The following RABGAP1L variants were observed in gnomAD, a reference collection of about 807,000 sequenced individuals.
The protein encoded by RABGAP1L is RAB GTPase activating protein 1 like.
Under a neutral mutation model 137.7 loss-of-function variants are expected in RABGAP1L, and 63 were observed. The ratio of observed to expected loss-of-function variants is 0.46; its 90% CI spans 0.37 to 0.56. The LOEUF (loss-of-function observed/expected upper bound fraction) is 0.56, where lower values mean the gene tolerates loss of function less well. RABGAP1L is among the 20% of genes least tolerant of loss of function. The probability of loss-of-function intolerance (pLI) is 0.00; values close to 1 mark genes in which losing one functional copy is unlikely to be tolerated. For synonymous variants in RABGAP1L, 431 were observed against 433.7 expected (o/e 0.99, Z 0.08); for missense variants, 1,095 against 1,244.0 (o/e 0.88, Z 1.80).
At chr1:174,783,589 G>A (rs1040673269) in intron 18 of RABGAP1L, among the ~76,000 whole-genome samples, 1 of 151,998 alleles carries the variant, frequency 6.6e-6, no homozygotes, top group Non-Finnish European at 1.5e-5. Flanking sequence ...ATAGAATTGC[G>A]ACAACTTACT....
intron 13 of RABGAP1L, chr1:174,449,100 G>T (rs1297539490): frequency 6.2e-7 from 1 of 1,614,010 alleles, no homozygotes; most frequent in Non-Finnish European, 8.5e-7. Flanking sequence ...GGCCTCCGAA[G>T]ACTGTCTGAG....
intron 13 of RABGAP1L, among the ~76,000 whole-genome samples, chr1:174,556,864 A>G (rs1376689347): frequency 1.3e-5 from 2 of 152,204 alleles, no homozygotes. Flanking sequence ...ATTTTTGTAG[A>G]GGGAGATTCA....
chr1:174,393,365 T>G (rs1241585232), intron 12 of RABGAP1L, among the ~76,000 whole-genome samples: 1 of 152,224 alleles, frequency 6.6e-6, no homozygotes, highest in African/African-American at 2.4e-5. Context: ...TATCTAAGTT[T>G]ATGCTTGAAC....
At chr1:174,653,653 T>A (rs1256209698) in intron 14 of RABGAP1L, among the ~76,000 whole-genome samples, 1 of 152,232 alleles carries the variant, frequency 6.6e-6, no homozygotes, top group East Asian at 1.9e-4. Flanking sequence ...AACGCAGAAA[T>A]CACCCGCCTT....
At chr1:174,255,099 CT>C (rs551828485) in intron 7 of RABGAP1L, among the ~76,000 whole-genome samples, 1 of 149,696 alleles carries the variant, frequency 6.7e-6, no homozygotes, top group Non-Finnish European at 1.5e-5. Flanking sequence ...TGATGATGAG[CT>C]TTTTTTCATA....
chr1:174,341,860 G>T (rs1441884816), intron 11 of RABGAP1L, among the ~76,000 whole-genome samples: 1 of 152,100 alleles, frequency 6.6e-6, no homozygotes, highest in African/African-American at 2.4e-5. Context: ...GTTACACACT[G>T]ATACTTATCT....
rs1249125684 is a variant in RABGAP1L, at chr1:174,612,451, G to A, written c.1711-24924G>A. On this transcript the variant is annotated intron_variant, in intron 13 of 25. Coordinates refer to ENST00000681986, the MANE Select transcript of RABGAP1L (RefSeq NM_001366446.1). ...AGCTTTTTGATGTGCTGCTGGATTC[G>A]GTTTGCCAGTATTTTATTCAGGATT... 1.3e-5 allele frequency among the ~76,000 whole-genome samples: 2 copies of A among 152,092 alleles called. 1 individual carries two copies. The highest frequency in any genetic ancestry group is 2.9e-5 in the Non-Finnish European group (2 of 68,020).
chr1:174,859,184 T>C (rs552945490), intron 19 of RABGAP1L, among the ~76,000 whole-genome samples: 12 of 152,224 alleles, frequency 7.9e-5, no homozygotes, highest in Non-Finnish European at 1.3e-4. Flanking sequence ...TGATAGACTG[T>C]TTAAAGAAAA....
At chr1:174,671,364 G>A (rs936187780) in intron 14 of RABGAP1L, among the ~76,000 whole-genome samples, 4 of 152,082 alleles carry the variant, frequency 2.6e-5, no homozygotes, top group African/African-American at 9.7e-5. Flanking sequence ...TTCCAGTACT[G>A]TGTTGAATAG....
At chr1:174,798,712 C>CT (rs1688467302) in intron 18 of RABGAP1L, among the ~76,000 whole-genome samples, 1 of 152,082 alleles carries the variant, frequency 6.6e-6, no homozygotes, top group Non-Finnish European at 1.5e-5. Context: ...GAGTAGAAAA[C>CT]TAAGACTCAC....
intron 13 of RABGAP1L, among the ~76,000 whole-genome samples, chr1:174,630,760 GC>G (rs1165136755): frequency 6.8e-6 from 1 of 146,162 alleles, no homozygotes; most frequent in Non-Finnish European, 1.5e-5. Context: ...ATTTTTTATT[GC>G]ATCTATTTGA....
At chr1:174,532,206 TG>T (rs1664472895) in intron 13 of RABGAP1L, among the ~76,000 whole-genome samples, 1 of 151,622 alleles carries the variant, frequency 6.6e-6, no homozygotes. Context: ...TTTTGTTTTT[TG>T]TTTTTTTGTT....
intron 15 of RABGAP1L, among the ~76,000 whole-genome samples, chr1:174,692,409 A>G (rs1678936498): frequency 6.6e-6 from 1 of 152,156 alleles, no homozygotes; most frequent in Non-Finnish European, 1.5e-5. Flanking sequence ...GATCAGTAAT[A>G]TTTTAAAGGC....
At chr1:174,391,206 T>C (rs1431437049) in intron 12 of RABGAP1L, among the ~76,000 whole-genome samples, 7 of 152,194 alleles carry the variant, frequency 4.6e-5, no homozygotes, top group Non-Finnish European at 1.0e-4. Context: ...TGAATTGAGG[T>C]AGGAGTTGGA....
rs775561625 is a variant in RABGAP1L, at chr1:174,725,725, C to T, written c.2169+23469C>T. Among the ~76,000 whole-genome samples, 5 of 151,974 alleles carry T rather than the reference C, an allele frequency of 3.3e-5. No homozygotes were observed. In the East Asian group the frequency reaches 5.8e-4, roughly 18 times the overall value. On this transcript the variant is annotated intron_variant, in intron 17 of 25. Coordinates refer to ENST00000681986, the MANE Select transcript of RABGAP1L (RefSeq NM_001366446.1). ...GCTGGGTCAAAGAAAAGGAAGGGCT[C>T]GTTTATACTGTAACAGTGTTTTTAT...
intron 13 of RABGAP1L, among the ~76,000 whole-genome samples, chr1:174,628,203 A>T (rs367772006): frequency 6.6e-6 from 1 of 152,160 alleles, no homozygotes; most frequent in Non-Finnish European, 1.5e-5. Flanking sequence ...GGATTCATAG[A>T]AAAAAGGGTA....
intron 14 of RABGAP1L, among the ~76,000 whole-genome samples, chr1:174,680,363 A>G (rs1677968306): frequency 6.6e-6 from 1 of 152,184 alleles, no homozygotes; most frequent in African/African-American, 2.4e-5. Flanking sequence ...CCCTTCCACT[A>G]TGTGAGGAGA....
intron 13 of RABGAP1L, among the ~76,000 whole-genome samples, chr1:174,577,110 A>G (rs376427704): frequency 1.0e-3 from 155 of 152,050 alleles, no homozygotes; most frequent in African/African-American, 3.4e-3. Context: ...CCTTAAGCCC[A>G]GGAGTTAGAG....
At chr1:174,865,551 A>T (rs917441225) in intron 19 of RABGAP1L, among the ~76,000 whole-genome samples, 3 of 149,364 alleles carry the variant, frequency 2.0e-5, no homozygotes, top group Admixed American at 6.7e-5. Flanking sequence ...TTGTGTAATG[A>T]TTAATTATCC....
Sources: allele counts gnomAD v4.1 joint callset (sites outside exome capture counted in the v4.1 genomes callset), GRCh38; gene constraint gnomAD v4.1.1; transcripts MANE v1.5; gene names NCBI Gene and HGNC (gene_info 2026-07-23, HGNC 2026-07-21).